The following HMGA1 variants were observed in gnomAD, a reference collection of about 807,000 sequenced individuals.
The protein encoded by HMGA1 is high mobility group AT-hook 1.
A neutral mutation model predicts 15.1 loss-of-function variants in HMGA1; 1 was observed. The ratio of observed to expected loss-of-function variants is 0.07; its 90% CI spans 0.02 to 0.31. HMGA1 has a LOEUF of 0.31. HMGA1 is among the 10% of genes least tolerant of loss of function. The pLI, the probability that HMGA1 is intolerant of heterozygous loss-of-function variation, is 1.00. For missense variants in HMGA1, 94 were observed against 141.4 expected (o/e 0.66, Z 1.70); for synonymous variants, 56 against 54.8 (o/e 1.02, Z -0.10).
chr6:34,242,125 A>G (rs1762361529), intron 3 of HMGA1, among the ~76,000 whole-genome samples: 1 of 152,152 alleles, frequency 6.6e-6, no homozygotes, highest in African/African-American at 2.4e-5. Context: ...TCTACGGCTT[A>G]TTAAAATTTC....
Position 34,245,091 on chromosome 6 carries a change from C to T in HMGA1, c.*207C>T, listed in dbSNP as rs949956883. On this transcript the variant is annotated 3_prime_UTR_variant, in exon 6 of 6. Coordinates refer to ENST00000311487, the MANE Select transcript of HMGA1 (RefSeq NM_145899.3). ...GGGCTCCCATGGGCTGAGTGGGGAG[C>T]AGTTTTCCCCTGGCCTCAGTTCCCA... The T allele has an allele frequency of 2.8e-5, 43 of 1,520,988 alleles. No homozygotes were observed. The highest frequency in any genetic ancestry group is 3.8e-5 in the Non-Finnish European group (43 of 1,134,946). 94.2% of individuals were successfully genotyped at this position (1,520,988 alleles called of 1,614,324 possible).
intron 4 of HMGA1, among the ~76,000 whole-genome samples, 159 bp from the exon 5 acceptor site, chr6:34,243,309 G>C (rs567795262): frequency 2.7e-5 from 4 of 150,160 alleles, no homozygotes; most frequent in Non-Finnish European, 5.9e-5. Context: ...GGCAAATGTG[G>C]CTGGCCAGTC....
rs759797371 is a variant in HMGA1, at chr6:34,242,789, G to T, written c.213G>T (p.Lys71Asn). The T allele has an allele frequency of 9.5e-6, 15 of 1,584,370 alleles. No homozygotes were observed. Among genetic ancestry groups the T allele is most frequent in the East Asian group, 2.3e-5 (1 of 43,590 alleles). The change falls in exon 4 of 6, where the codon AAG becomes AAT. Residue 71 changes from lysine to asparagine, a missense_variant. By Grantham distance (94) the Lys-to-Asn change is moderately conservative. Transcript: ENST00000311487. ...GAAGCAAAAACAAGGGTGCTGCCAA[G>T]ACCCGGGTGAGACTTGAGATGGGAC... ...PKGSKNKGAA[K>N]TRKTTTTPGR...
intron 2 of HMGA1, among the ~76,000 whole-genome samples, chr6:34,239,467 ATTATT>A (rs1415770976): frequency 6.6e-6 from 1 of 152,082 alleles, no homozygotes; most frequent in Non-Finnish European, 1.5e-5. Flanking sequence ...ATTTCTTTCT[ATTATT>A]TTAAGTTTTT....
rs73419171 is a variant in HMGA1 at position 34,245,492 on chromosome 6, C to T, written c.*608C>T. 2.7e-3 allele frequency: 3,682 copies of T among 1,381,814 alleles called. 55 individuals are homozygous for T. The East Asian group carries it at 0.03, about 11-fold the overall frequency. The allele number at this position is 1,381,814 out of a possible 1,614,324, so 85.6% of individuals were successfully genotyped here. A position where few individuals can be genotyped will look rare whatever the true frequency, so the allele number is the denominator to read the frequency against. On this transcript the variant is annotated 3_prime_UTR_variant, in exon 6 of 6. Coordinates refer to ENST00000311487, the MANE Select transcript of HMGA1 (RefSeq NM_145899.3). ...ATCCTTCCCCAACTTCCCTAGTCCC[C>T]GTACTAGGTTGGACAGCCCCCTTCG...
intron 2 of HMGA1, among the ~76,000 whole-genome samples, 181 bp downstream of exon 2, chr6:34,237,498 G>GGGCCCGGCGGCGC (rs1406750123): frequency 2.1e-5 from 3 of 144,562 alleles, no homozygotes; most frequent in African/African-American, 7.4e-5. Context: ...GCGGGCGGCG[G>GGGCCCGGCGGCGC]GGCCCGGCGG....
At chr6:34,239,343 A>G (rs539443598) in intron 2 of HMGA1, among the ~76,000 whole-genome samples, 14 of 151,692 alleles carry the variant, frequency 9.2e-5, no homozygotes, top group African/African-American at 3.4e-4. Flanking sequence ...TCCTGACCTC[A>G]AGCAGTCCTC....
intron 5 of HMGA1, 78 bp from the exon 6 acceptor site, chr6:34,244,753 G>A (rs1037618861): frequency 2.5e-6 from 3 of 1,210,870 alleles, no homozygotes; most frequent in South Asian, 1.3e-5. Context: ...GGAGTGCAGG[G>A]AGCGGGTGGG....
Position 34,245,478 on chromosome 6 carries a change from A to C in HMGA1, c.*594A>C, listed in dbSNP as rs1341589521. The C allele has an allele frequency of 7.2e-7, 1 of 1,379,702 alleles. No homozygotes were observed. Among genetic ancestry groups the C allele is most frequent in the South Asian group, 1.2e-5 (1 of 81,692 alleles). The allele number at this position is 1,379,702 out of a possible 1,614,324, so 85.5% of individuals were successfully genotyped here. A position where few individuals can be genotyped will look rare whatever the true frequency, so the allele number is the denominator to read the frequency against. The stretch of plus-strand genomic sequence containing the variant: ...GGGGCTCACTTTTCATCCTTCCCCA[A>C]CTTCCCTAGTCCCCGTACTAGGTTG... On this transcript the variant is annotated 3_prime_UTR_variant, in exon 6 of 6. Transcript: ENST00000311487.
chr6:34,240,996 C>A (rs41269026), intron 3 of HMGA1, 81 bp downstream of exon 3: 59,865 of 1,501,264 alleles, frequency 0.04, 1,374 homozygotes, highest in Non-Finnish European at 0.046. Context: ...GCAGGCGAGA[C>A]CATGCATGGA....
intron 2 of HMGA1, among the ~76,000 whole-genome samples, chr6:34,237,856 C>T (rs971046662): frequency 2.6e-5 from 4 of 151,960 alleles, no homozygotes; most frequent in Admixed American, 6.5e-5. Flanking sequence ...CGGCCTTTCT[C>T]TCGCGCCCCC....
At chr6:34,242,452 A>C (rs1283787826) in intron 3 of HMGA1, among the ~76,000 whole-genome samples, 2 of 152,316 alleles carry the variant, frequency 1.3e-5, no homozygotes, top group South Asian at 4.1e-4. Context: ...CTGTCCCCAG[A>C]ATGCCTTTCC....
intron 3 of HMGA1, 75 bp downstream of exon 3, chr6:34,240,990 G>GC: frequency 6.5e-7 from 1 of 1,538,614 alleles, no homozygotes; most frequent in Non-Finnish European, 9.0e-7. Context: ...CATTCAGCAG[G>GC]CGAGACCATG....
intron 2 of HMGA1, among the ~76,000 whole-genome samples, chr6:34,239,866 A>T (rs1353073550): frequency 6.6e-6 from 1 of 152,136 alleles, no homozygotes; most frequent in Non-Finnish European, 1.5e-5. Flanking sequence ...ATGACCAAGA[A>T]GGTTTTAGGA....
chr6:34,238,396 G>T (rs1297389006), intron 2 of HMGA1, among the ~76,000 whole-genome samples: 1 of 152,222 alleles, frequency 6.6e-6, no homozygotes, highest in Non-Finnish European at 1.5e-5. Flanking sequence ...TAGGCAAAGT[G>T]TCGGGTTGAA....
In HMGA1 at chr6:34,245,559, C is replaced by T; in HGVS notation, c.*675C>T. 7.2e-7 allele frequency: 1 copy of T among 1,380,152 alleles called. No homozygotes were observed. 85.5% of individuals were successfully genotyped at this position (1,380,152 alleles called of 1,614,324 possible). A position where few individuals can be genotyped will look rare whatever the true frequency, so the allele number is the denominator to read the frequency against. On this transcript the variant is annotated 3_prime_UTR_variant, in exon 6 of 6. Transcript: ENST00000311487. ...AGGGGTGAGTCCCCTACTCCCTCTT[C>T]ACTGTGGCCACAGCCCCCTTGCCCT...
chr6:34,243,583 C>T (rs1003280248), intron 5 of HMGA1, 65 bp downstream of exon 5: 3 of 1,288,212 alleles, frequency 2.3e-6, no homozygotes, highest in Non-Finnish European at 3.4e-6. Flanking sequence ...GTTGAGTACA[C>T]AGTACCTGAT....
rs1269571609 is a variant in HMGA1 at position 34,245,179 on chromosome 6, G to A, written c.*295G>A. On this transcript the variant is annotated 3_prime_UTR_variant, in exon 6 of 6. Transcript: ENST00000311487. ...CTGGACAAGGCTAACATCCCACTTAGCCGCACCCTGCACCTGCTGCGTCCC... is the reference window on the plus strand; with the variant it reads ...CTGGACAAGGCTAACATCCCACTTAACCGCACCCTGCACCTGCTGCGTCCC... 1.4e-6 allele frequency: 2 copies of A among 1,436,370 alleles called. No homozygotes were observed. Among genetic ancestry groups the A allele is most frequent in the Admixed American group, 4.2e-5 (2 of 47,630 alleles). 89.0% of individuals were successfully genotyped at this position (1,436,370 alleles called of 1,614,324 possible).
Position 34,244,899 on chromosome 6 carries a change from C to G in HMGA1, c.*15C>G, listed in dbSNP as rs1463388860. The G allele has an allele frequency of 3.9e-6, 6 of 1,553,406 alleles. No homozygotes were observed. The highest frequency in any genetic ancestry group is 4.4e-6 in the Non-Finnish European group (5 of 1,148,546). On this transcript the variant is annotated 3_prime_UTR_variant, in exon 6 of 6. Coordinates refer to ENST00000311487, the MANE Select transcript of HMGA1 (RefSeq NM_145899.3). Reference sequence around the variant, plus strand: ...AGGAGCAGTGACCCATGCGTGCCGCCTGCTCCTCACTGGAGGAGCAGCTTC... The same window carrying G: ...AGGAGCAGTGACCCATGCGTGCCGCGTGCTCCTCACTGGAGGAGCAGCTTC...
Sources: gnomAD v4.1 joint callset for allele counts (sites outside exome capture counted in the v4.1 genomes callset) on GRCh38, gnomAD v4.1.1 for gene constraint, MANE v1.5 for transcripts, NCBI Gene and HGNC (gene_info 2026-07-23, HGNC 2026-07-21) for gene names.